Variants in BBOX1 observed in about 807,000 individuals in gnomAD.
BBOX1 encodes the protein gamma-butyrobetaine dioxygenase.
A neutral mutation model predicts 41.6 loss-of-function variants in BBOX1; 35 were observed. The ratio of observed to expected loss-of-function variants is 0.84; its 90% CI spans 0.64 to 1.11. The LOEUF (loss-of-function observed/expected upper bound fraction) is 1.11, where lower values mean the gene tolerates loss of function less well. BBOX1 is among the 50% of genes most tolerant of loss of function. The probability of loss-of-function intolerance (pLI) is 0.00; values close to 1 mark genes in which losing one functional copy is unlikely to be tolerated. For missense variants in BBOX1, 458 were observed against 460.6 expected, an observed-to-expected ratio of 0.99 and a Z score of 0.05; for synonymous variants, 163 against 154.7, an observed-to-expected ratio of 1.05 and a Z score of -0.40.
intron 7 of BBOX1, among the ~76,000 whole-genome samples, chr11:27,123,292 A>G (rs1158282232): frequency 6.6e-6 from 1 of 152,146 alleles, no homozygotes; most frequent in Non-Finnish European, 1.5e-5. Flanking sequence ...GTATACCATG[A>G]GGCATCCAAT....
At chr11:27,117,155 G>A (rs1383241893) in intron 6 of BBOX1, among the ~76,000 whole-genome samples, 1 of 151,942 alleles carries the variant, frequency 6.6e-6, no homozygotes, top group African/African-American at 2.4e-5. Flanking sequence ...ATTAGACTAT[G>A]TGAAATAACC....
intron 5 of BBOX1, among the ~76,000 whole-genome samples, chr11:27,098,153 C>T (rs1318499720): frequency 6.6e-6 from 1 of 151,938 alleles, no homozygotes; most frequent in African/African-American, 2.4e-5. Flanking sequence ...TTTTTGGCTG[C>T]TTTTTGGCCT....
chr11:27,100,865 C>A (rs1455209819), intron 5 of BBOX1, among the ~76,000 whole-genome samples: 1 of 152,116 alleles, frequency 6.6e-6, no homozygotes, highest in Admixed American at 6.6e-5. Context: ...ACCCCCAGCA[C>A]ACACACATAC....
intron 5 of BBOX1, among the ~76,000 whole-genome samples, chr11:27,108,334 A>G (rs1279460446): frequency 6.6e-6 from 1 of 152,142 alleles, no homozygotes; most frequent in Non-Finnish European, 1.5e-5. Context: ...ATGTAGGTGA[A>G]TCAATGCAAA....
chr11:27,076,177 T>C (rs751124615), intron 4 of BBOX1, among the ~76,000 whole-genome samples: 3 of 152,298 alleles, frequency 2.0e-5, no homozygotes, highest in Non-Finnish European at 4.4e-5. Context: ...ACACTCCAGG[T>C]TGGTGCTGGG....
chr11:27,084,042 C>T (rs1285191578), intron 4 of BBOX1, among the ~76,000 whole-genome samples: 5 of 152,064 alleles, frequency 3.3e-5, no homozygotes, highest in African/African-American at 1.2e-4. Context: ...CCCCTCTCTG[C>T]CTGAGACAGC....
At chr11:27,073,297 C>G (rs1422965973) in intron 4 of BBOX1, among the ~76,000 whole-genome samples, 3 of 152,150 alleles carry the variant, frequency 2.0e-5, no homozygotes, top group African/African-American at 7.2e-5. Flanking sequence ...ATGCAGCCAA[C>G]AGTCACATGA....
At chr11:27,079,000 T>C (rs867546987) in intron 4 of BBOX1, among the ~76,000 whole-genome samples, 4 of 152,170 alleles carry the variant, frequency 2.6e-5, no homozygotes, top group African/African-American at 7.2e-5. Flanking sequence ...CTCCCCTTTT[T>C]CTTCTAGTTA....
At chr11:27,089,087 C>A (rs1858143359) in intron 4 of BBOX1, among the ~76,000 whole-genome samples, 1 of 151,890 alleles carries the variant, frequency 6.6e-6, no homozygotes, top group South Asian at 2.1e-4. Context: ...TGGTAAGAGG[C>A]TGGACAATGA....
intron 4 of BBOX1, among the ~76,000 whole-genome samples, chr11:27,072,117 G>C (rs548537517): frequency 1.3e-5 from 2 of 152,292 alleles, no homozygotes; most frequent in South Asian, 4.1e-4. Flanking sequence ...ATTAGGAAAA[G>C]AGGAAGTCAA....
chr11:27,093,471 T>C (rs1279969555), intron 5 of BBOX1, 105 bp downstream of exon 5: 3 of 1,175,810 alleles, frequency 2.6e-6, no homozygotes, highest in Admixed American at 4.6e-5. Context: ...TCTCATAATG[T>C]CTTGAGTAGG....
At chr11:27,118,125 C>A (rs1049026576) in intron 6 of BBOX1, among the ~76,000 whole-genome samples, 1 of 151,902 alleles carries the variant, frequency 6.6e-6, no homozygotes, top group Non-Finnish European at 1.5e-5. Context: ...CTTTGTATCT[C>A]AATATTTACA....
intron 5 of BBOX1, among the ~76,000 whole-genome samples, chr11:27,108,436 C>G (rs1369235937): frequency 6.6e-6 from 1 of 152,102 alleles, no homozygotes; most frequent in Non-Finnish European, 1.5e-5. Flanking sequence ...ATGCATTCTG[C>G]ACCTTGATGA....
At chr11:27,094,663 G>A (rs1340341160) in intron 5 of BBOX1, among the ~76,000 whole-genome samples, 3 of 151,896 alleles carry the variant, frequency 2.0e-5, no homozygotes, top group East Asian at 1.9e-4. Flanking sequence ...TACTCTTTAC[G>A]TTTGCCACCC....
chr11:27,119,686 G>A lies in BBOX1; in HGVS notation c.677G>A (p.Gly226Glu), dbSNP rs747132327. ...CACTGCATAAAGCAAACAGTCACAG[G>A]GGGTGATTCAGAAATTGTAGATGGG... ...LLHCIKQTVT[G>E]GDSEIVDGFN... Residue 226 changes from glycine (G) to glutamate (E), a missense_variant, in exon 7 of 9, where the codon GGG (glycine) becomes GAG (glutamate). Coordinates refer to ENST00000263182, the MANE Select transcript of BBOX1 (RefSeq NM_003986.3). The A allele has an allele frequency of 6.4e-7, 1 of 1,564,338 alleles. No homozygotes were observed. Among genetic ancestry groups the A allele is most frequent in the African/African-American group, 1.4e-5 (1 of 72,404 alleles).
At chr11:27,073,607 G>A (rs531557180) in intron 4 of BBOX1, among the ~76,000 whole-genome samples, 2 of 150,570 alleles carry the variant, frequency 1.3e-5, no homozygotes, top group East Asian at 3.9e-4. Flanking sequence ...AAAGATAAAT[G>A]CACACGTATG....
intron 7 of BBOX1, 59 bp from the exon 8 acceptor site, chr11:27,125,593 CTT>C (rs1859622961): frequency 8.5e-6 from 11 of 1,290,750 alleles, no homozygotes; most frequent in South Asian, 1.8e-5. Flanking sequence ...GGAATTGACT[CTT>C]ATCAATGTAA....
chr11:27,063,304 C>T lies in BBOX1; in HGVS notation c.334+5989C>T, dbSNP rs987944876. Among the ~76,000 whole-genome samples, 5 of 151,878 alleles carry T rather than the reference C, an allele frequency of 3.3e-5. No homozygotes were observed. The East Asian group carries it at 7.7e-4, about 24-fold the overall frequency. On this transcript the variant is annotated intron_variant, in intron 4 of 8. Transcript: ENST00000263182. ...TATGTACTAATTATAATTTAGCTCT[C>T]GTGAAATTTTGGCATAATTATATGC...
chr11:27,053,047 T>G (rs1357692420), intron 2 of BBOX1, among the ~76,000 whole-genome samples: 1 of 152,170 alleles, frequency 6.6e-6, no homozygotes, highest in East Asian at 1.9e-4. Context: ...TGACAAAATA[T>G]TTCCTAGTCA....
Sources: allele counts gnomAD v4.1 joint callset (sites outside exome capture counted in the v4.1 genomes callset), GRCh38; gene constraint gnomAD v4.1.1; transcripts MANE v1.5; gene names NCBI Gene and HGNC (gene_info 2026-07-23, HGNC 2026-07-21).